The following NECAB1 variants were observed in gnomAD, a reference collection of about 807,000 sequenced individuals.
NECAB1 encodes N-terminal EF-hand calcium-binding protein 1.
A neutral mutation model predicts 57.5 loss-of-function variants in NECAB1; 29 were observed. The ratio of observed to expected loss-of-function variants is 0.50; its 90% CI spans 0.38 to 0.69. The LOEUF is 0.69. NECAB1 is among the 30% of genes least tolerant of loss of function. NECAB1 has a pLI of 0.00. For synonymous variants in NECAB1, 142 were observed against 147.7 expected (o/e 0.96, Z 0.28); for missense variants, 372 against 413.8 (o/e 0.90, Z 0.88).
At chr8:90,951,318 T>C in intron 12 of NECAB1, 114 bp downstream of exon 12, 1 of 582,946 alleles carries the variant, frequency 1.7e-6, no homozygotes, top group South Asian at 2.3e-5. Context: ...CTCTCTTATT[T>C]ATTTCTTTAT....
intron 2 of NECAB1, among the ~76,000 whole-genome samples, chr8:90,814,702 A>T (rs1451058639): frequency 1.3e-5 from 2 of 151,978 alleles, no homozygotes; most frequent in South Asian, 2.1e-4. Flanking sequence ...CCTCATAATT[A>T]TGGGTGGGGA....
rs1811050062 is a variant in NECAB1, at chr8:90,957,369, G to T, written c.*1857G>T. On this transcript the variant is annotated 3_prime_UTR_variant, in exon 13 of 13. Coordinates refer to ENST00000417640, the MANE Select transcript of NECAB1 (RefSeq NM_022351.5). ...TACTAGGCAGTTTCCAAAGTAGCAT[G>T]GTAGTATTACTTGTTAAAAGGGTTC... The T allele has an allele frequency of 6.6e-6, 1 of 151,888 alleles. No individual in the cohort carries two copies. Among genetic ancestry groups the T allele is most frequent in the Non-Finnish European group, 1.5e-5 (1 of 67,834 alleles). 9.4% of individuals were successfully genotyped at this position (151,888 alleles called of 1,614,324 possible).
chr8:90,869,418 G>A (rs1048220467), intron 3 of NECAB1, among the ~76,000 whole-genome samples: 1 of 152,196 alleles, frequency 6.6e-6, no homozygotes, highest in African/African-American at 2.4e-5. Flanking sequence ...AAAGCCACAA[G>A]TACTCAATGT....
chr8:90,906,891 A>ATATATATATATATATATGTATG (rs1809682153), intron 5 of NECAB1, among the ~76,000 whole-genome samples: 1 of 113,410 alleles, frequency 8.8e-6, no homozygotes, highest in East Asian at 2.3e-4. Flanking sequence ...ATATATATAT[A>ATATATATATATATATATGTATG]TATATATATA....
At chr8:90,882,306 G>C (rs1368012580) in intron 5 of NECAB1, among the ~76,000 whole-genome samples, 1 of 151,388 alleles carries the variant, frequency 6.6e-6, no homozygotes, top group Non-Finnish European at 1.5e-5. Flanking sequence ...ACTGAATTTT[G>C]AAAAATAAAG....
chr8:90,895,084 C>T (rs1284730479), intron 5 of NECAB1, among the ~76,000 whole-genome samples: 2 of 152,020 alleles, frequency 1.3e-5, no homozygotes, highest in South Asian at 2.1e-4. Context: ...GGAACAGACA[C>T]ATATGATTGC....
At chr8:90,950,040 A>G (rs2130272016) in intron 11 of NECAB1, among the ~76,000 whole-genome samples, 156 bp downstream of exon 11, 1 of 152,320 alleles carries the variant, frequency 6.6e-6, no homozygotes. Context: ...ACTTTAAAAA[A>G]TGTATTTAAT....
Position 90,917,870 on chromosome 8 carries a change from A to ATATATGTGTG in NECAB1, c.494+243_494+244insATATGTGTGT, listed in dbSNP as rs1554575432. Among the ~76,000 whole-genome samples, 234 of 64,148 alleles carry ATATATGTGTG rather than the reference A, an allele frequency of 3.6e-3. 6 individuals carry two copies. The highest frequency in any genetic ancestry group is 0.011 in the East Asian group (10 of 874). The allele number at this position is 64,148 out of a possible 152,430, so 42.1% of individuals were successfully genotyped here. ...TATATATATATATATATATATATAT[A>ATATATGTGTG]TGTGTGTGTGTGCGTGTATATATAT... On this transcript the variant is annotated intron_variant, in intron 6 of 12. Transcript: ENST00000417640.
intron 3 of NECAB1, among the ~76,000 whole-genome samples, chr8:90,838,013 C>T (rs540177077): frequency 1.3e-5 from 2 of 152,158 alleles, no homozygotes; most frequent in East Asian, 3.9e-4. Context: ...CTGGTTGGCT[C>T]ATAAAAATTC....
At chr8:90,796,187 A>G (rs2130638662) in intron 1 of NECAB1, among the ~76,000 whole-genome samples, 1 of 152,248 alleles carries the variant, frequency 6.6e-6, no homozygotes, top group East Asian at 1.9e-4. Context: ...TAGTAAAACT[A>G]CCTGCTGGAA....
intron 3 of NECAB1, among the ~76,000 whole-genome samples, chr8:90,858,057 T>G (rs1447033519): frequency 6.6e-6 from 1 of 152,202 alleles, no homozygotes; most frequent in Non-Finnish European, 1.5e-5. Context: ...GAAACTATAA[T>G]GTATCATCCT....
At chr8:90,921,437 G>A (rs1283750666) in intron 6 of NECAB1, among the ~76,000 whole-genome samples, 1 of 152,004 alleles carries the variant, frequency 6.6e-6, no homozygotes, top group East Asian at 1.9e-4. Flanking sequence ...GGGAGGCCAA[G>A]GCAGGTGGAT....
At chr8:90,826,308 C>T (rs1812224099) in intron 3 of NECAB1, among the ~76,000 whole-genome samples, 1 of 151,878 alleles carries the variant, frequency 6.6e-6, no homozygotes, top group African/African-American at 2.4e-5. Flanking sequence ...TGCAAAAGTG[C>T]TTCAACTTTA....
intron 9 of NECAB1, among the ~76,000 whole-genome samples, chr8:90,938,006 A>T (rs1427139416): frequency 6.6e-6 from 1 of 152,192 alleles, no homozygotes; most frequent in Non-Finnish European, 1.5e-5. Flanking sequence ...GTATCTCTGA[A>T]GACATATTTG....
At chr8:90,799,663 G>A (rs1056933523) in intron 1 of NECAB1, among the ~76,000 whole-genome samples, 2 of 151,912 alleles carry the variant, frequency 1.3e-5, no homozygotes, top group African/African-American at 4.8e-5. Flanking sequence ...TTTCATTTTT[G>A]TATCTGTTTT....
At chr8:90,882,117 A>C (rs1808853068) in intron 5 of NECAB1, among the ~76,000 whole-genome samples, 1 of 152,244 alleles carries the variant, frequency 6.6e-6, no homozygotes, top group African/African-American at 2.4e-5. Context: ...TAAATCAGCA[A>C]ATAATTTAAG....
chr8:90,824,878 A>C, intron 3 of NECAB1, 53 bp downstream of exon 3: 1 of 889,020 alleles, frequency 1.1e-6, no homozygotes, highest in Non-Finnish European at 1.7e-6. Context: ...GAGAGCGTGA[A>C]TGCATTCATG....
chr8:90,917,429 A>AC, intron 5 of NECAB1, 63 bp from the exon 6 acceptor site: 1 of 1,495,028 alleles, frequency 6.7e-7, no homozygotes, highest in Non-Finnish European at 9.0e-7. Context: ...TAAAAGAAAA[A>AC]AAAAAAATCC....
intron 2 of NECAB1, among the ~76,000 whole-genome samples, chr8:90,822,991 A>C (rs1447287896): frequency 6.6e-6 from 1 of 151,814 alleles, no homozygotes; most frequent in East Asian, 1.9e-4. Context: ...ACACAGTAGA[A>C]ATACCACACT....
Sources: gnomAD v4.1 joint callset for allele counts (sites outside exome capture counted in the v4.1 genomes callset) on GRCh38, gnomAD v4.1.1 for gene constraint, MANE v1.5 for transcripts, NCBI Gene and HGNC (gene_info 2026-07-23, HGNC 2026-07-21) for gene names.